The following AIM2 variants were observed in gnomAD, a reference collection of about 807,000 sequenced individuals.
The protein encoded by AIM2 is absent in melanoma 2, also known as interferon-inducible protein AIM2.
Under a neutral mutation model 27.7 loss-of-function variants are expected in AIM2, and 30 were observed. That is an observed-to-expected ratio of 1.08 (90% CI 0.81 to 1.47). AIM2 has a LOEUF of 1.47. Ranked by LOEUF, AIM2 falls within the 40% of genes most tolerant of loss-of-function variation. AIM2 has a pLI of 0.00. For synonymous variants in AIM2, 141 were observed against 145.3 expected (o/e 0.97, Z 0.21); for missense variants, 358 against 411.3 (o/e 0.87, Z 1.12).
At chr1:159,094,177 A>G (rs140069417) in intron 1 of AIM2, among the ~76,000 whole-genome samples, 162 of 152,382 alleles carry the variant, frequency 1.1e-3, no homozygotes, top group African/African-American at 3.7e-3. Flanking sequence ...ACCAGAGGAC[A>G]GACGGGAACT....
chr1:159,099,923 G>A lies in AIM2; in HGVS notation c.-15-33594C>T, dbSNP rs147040463. 1.8e-4 allele frequency among the ~76,000 whole-genome samples: 27 copies of A among 152,222 alleles called. No individual in the cohort carries two copies. The East Asian group carries it at 5.0e-3, about 28-fold the overall frequency. On this transcript the variant is annotated intron_variant, in intron 1 of 2. Coordinates refer to the AIM2 transcript ENST00000368129. ...CCTTCTCTGGCCTTAAAAAAAATGA[G>A]AGCAAAATGTCATTCTTACTCCCAG...
chr1:159,079,719 GC>G (rs2101997869), upstream of AIM2, among the ~76,000 whole-genome samples: 1 of 152,216 alleles, frequency 6.6e-6, no homozygotes, highest in Admixed American at 6.5e-5. Flanking sequence ...CTCCAGAGTT[GC>G]CACTAGGGTA....
At chr1:159,056,730 A>AAAC in the AIM2 span, among the ~76,000 whole-genome samples, 6 of 135,838 alleles carry the variant, frequency 4.4e-5, no homozygotes, top group Non-Finnish European at 9.9e-5. Flanking sequence ...AAAAAAAAAA[A>AAAC]AAAAAAAAAA....
intron 1 of AIM2, among the ~76,000 whole-genome samples, chr1:159,139,609 C>G (rs766834943): frequency 1.3e-5 from 2 of 152,054 alleles, no homozygotes; most frequent in Non-Finnish European, 2.9e-5. Context: ...CTTCTGATTC[C>G]AAGATAGGGA....
At chr1:159,062,465 G>T (rs2793845), downstream of AIM2, 472,675 of 559,156 alleles carry the variant, frequency 0.85, 200,825 homozygotes, top group Admixed American at 0.92. Context: ...ACAAACTAAA[G>T]GAGATAGTGG....
downstream of AIM2, among the ~76,000 whole-genome samples, chr1:159,060,816 C>T (rs984672623): frequency 6.6e-6 from 1 of 152,132 alleles, no homozygotes; most frequent in East Asian, 1.9e-4. Context: ...GAGTTTTTTG[C>T]ACTTTTGCAT....
chr1:159,068,680 A>G lies in AIM2; in HGVS notation c.284T>C (p.Val95Ala). 2 of 1,613,908 alleles carry G rather than the reference A, an allele frequency of 1.2e-6. No individual in the cohort carries two copies. The highest frequency in any genetic ancestry group is 1.7e-6 in the Non-Finnish European group (2 of 1,179,850). Reference sequence around the variant, plus strand: ...TTGACTTAGTGGCTTTGGTTTTGTTACCGATTTGTATTGCTTATCAACTGA... The same window carrying G: ...TTGACTTAGTGGCTTTGGTTTTGTTGCCGATTTGTATTGCTTATCAACTGA... The part of the protein sequence containing the change: ...KEKVDKQYKS[V>A]TKPKPLSQAE... The change falls in exon 3 of 6, where the codon GTA becomes GCA. Residue 95 changes from valine to alanine, a missense_variant. Coordinates refer to ENST00000368130, the MANE Select transcript of AIM2 (RefSeq NM_004833.3).
intron 1 of AIM2, among the ~76,000 whole-genome samples, chr1:159,134,087 A>G (rs559070908): frequency 9.9e-5 from 15 of 152,190 alleles, no homozygotes; most frequent in Non-Finnish European, 1.9e-4. Flanking sequence ...TGCAAACCAG[A>G]AATCTTAGAG....
chr1:159,111,207 A>G (rs1657565723), intron 1 of AIM2, among the ~76,000 whole-genome samples: 1 of 152,226 alleles, frequency 6.6e-6, no homozygotes, highest in Non-Finnish European at 1.5e-5. Flanking sequence ...ACTAATGGTT[A>G]TTCTAACAGC....
rs1028800128 is a variant in AIM2, at chr1:159,093,563, T to A, written c.-15-27234A>T. On this transcript the variant is annotated intron_variant, in intron 1 of 2. Coordinates refer to the AIM2 transcript ENST00000368129. ...CGGGGAAACCTGTCAAAGGGACAAA[T>A]AAATTGTGGCATATTCATGGATACT... is the stretch of plus-strand genomic sequence containing the variant. Among the ~76,000 whole-genome samples, 5 of 152,198 alleles carry A rather than the reference T, an allele frequency of 3.3e-5. No homozygotes were observed. In the South Asian group the frequency reaches 1.0e-3, roughly 32 times the overall value.
At chr1:159,055,350 T>C in the AIM2 span, among the ~76,000 whole-genome samples, 1 of 152,156 alleles carries the variant, frequency 6.6e-6, no homozygotes, top group Non-Finnish European at 1.5e-5. Context: ...GCTAAAGGGA[T>C]AAGTAAGCGT....
intron 1 of AIM2, among the ~76,000 whole-genome samples, chr1:159,121,552 C>T (rs563263437): frequency 1.3e-5 from 2 of 152,170 alleles, no homozygotes; most frequent in South Asian, 2.1e-4. Flanking sequence ...TCAACACCTG[C>T]GCTCTCAGTT....
At chr1:159,087,347 A>G (rs1412882759) in intron 1 of AIM2, among the ~76,000 whole-genome samples, 1 of 151,734 alleles carries the variant, frequency 6.6e-6, no homozygotes, top group Non-Finnish European at 1.5e-5. Context: ...AATGATCACC[A>G]TGGCTGAGAC....
chr1:159,085,736 G>T (rs1465003302), intron 1 of AIM2, among the ~76,000 whole-genome samples: 1 of 152,148 alleles, frequency 6.6e-6, no homozygotes, highest in Non-Finnish European at 1.5e-5. Context: ...GCAAGTGGTT[G>T]GGCTAAAGAG....
At chr1:159,066,971 T>C (rs1039235013) in intron 3 of AIM2, among the ~76,000 whole-genome samples, 4 of 152,162 alleles carry the variant, frequency 2.6e-5, no homozygotes, top group Non-Finnish European at 5.9e-5. Context: ...GGTTTATATT[T>C]AAAAAGTACA....
chr1:159,139,977 G>A (rs1415541243), intron 1 of AIM2, among the ~76,000 whole-genome samples: 3 of 152,180 alleles, frequency 2.0e-5, no homozygotes, highest in Non-Finnish European at 4.4e-5. Flanking sequence ...GAATCAGGAA[G>A]ATGTATGCAG....
rs373179208 is a variant in AIM2 at position 159,119,596 on chromosome 1, T to A, written c.-16+20835A>T. 8.5e-5 allele frequency among the ~76,000 whole-genome samples: 13 copies of A among 152,198 alleles called. 1 individual carries two copies. The highest frequency in any genetic ancestry group is 6.5e-4 in the Admixed American group (10 of 15,274). The stretch of plus-strand genomic sequence containing the variant: ...TTAAAATCACTGTAAATATTCCCTG[T>A]CTGAAACCTAGAATCAGCCAGTTCC... On this transcript the variant is annotated intron_variant, in intron 1 of 2. Coordinates refer to the AIM2 transcript ENST00000368129.
At chr1:159,106,806 C>G (rs1657457937) in intron 1 of AIM2, among the ~76,000 whole-genome samples, 1 of 152,258 alleles carries the variant, frequency 6.6e-6, no homozygotes, top group African/African-American at 2.4e-5. Flanking sequence ...TTATACCTTT[C>G]AGAAAGTCCT....
chr1:159,116,825 A>C (rs554488669), intron 1 of AIM2, among the ~76,000 whole-genome samples: 2 of 152,060 alleles, frequency 1.3e-5, no homozygotes, highest in African/African-American at 4.8e-5. Flanking sequence ...CTAAAACTTA[A>C]AGTATAATTA....
Sources: allele counts gnomAD v4.1 joint callset (sites outside exome capture counted in the v4.1 genomes callset), GRCh38; gene constraint gnomAD v4.1.1; transcripts MANE v1.5; gene names NCBI Gene and HGNC (gene_info 2026-07-23, HGNC 2026-07-21).